NEO1: variants seen among roughly 807,000 people sequenced by gnomAD.
NEO1 encodes the protein neogenin 1.
In NEO1, 63 loss-of-function variants were observed where a neutral mutation model predicts 159.7. That is an observed-to-expected ratio of 0.39 (90% CI 0.32 to 0.49). NEO1 has a LOEUF of 0.49. NEO1 is among the 20% of genes least tolerant of loss of function. The pLI is 0.85. For synonymous variants in NEO1, 633 were observed against 662.0 expected, an observed-to-expected ratio of 0.96 and a Z score of 0.67; for missense variants, 1,615 against 1,831.0, an observed-to-expected ratio of 0.88 and a Z score of 2.15.
chr15:73,203,913 C>T (rs918518697), intron 7 of NEO1, among the ~76,000 whole-genome samples: 4 of 151,962 alleles, frequency 2.6e-5, no homozygotes, highest in African/African-American at 9.7e-5. Flanking sequence ...TTTGCTTTTT[C>T]CTTCTCCAGC....
At position 73,274,017 on chromosome 15, in the gene NEO1, C is replaced by A; in HGVS notation, c.3160+12C>A. On this transcript the variant is annotated intron_variant, in intron 20 of 28. Transcript: ENST00000261908. ...CAGAACACCTAAAGGTAATGCTCCCCAAGCTGAGGGTTTTGTTGTGTGTCT... is the reference window on the plus strand; with the variant it reads ...CAGAACACCTAAAGGTAATGCTCCCAAAGCTGAGGGTTTTGTTGTGTGTCT... 2 of 1,610,018 alleles carry A rather than the reference C, an allele frequency of 1.2e-6. No homozygotes were observed. The highest frequency in any genetic ancestry group is 1.7e-6 in the Non-Finnish European group (2 of 1,177,992).
chr15:73,178,387 A>G lies in NEO1; in HGVS notation c.1251A>G (p.Gly417=). The G allele has an allele frequency of 6.2e-7, 1 of 1,613,868 alleles. No homozygotes were observed. Among genetic ancestry groups the G allele is most frequent in the Non-Finnish European group, 8.5e-7 (1 of 1,179,854 alleles). The change falls in exon 7 of 29, where the codon GGA becomes GGG. Residue 417 remains glycine, a synonymous_variant. Coordinates refer to ENST00000261908, the MANE Select transcript of NEO1 (RefSeq NM_002499.4). ...FYQCIAENDV[G]NAQAGAQLII... ...AGTGCATTGCTGAAAATGATGTTGG[A>G]AATGCACAAGCTGGAGCCCAACTGA...
chr15:73,109,185 T>A (rs1224892788), intron 1 of NEO1, among the ~76,000 whole-genome samples: 1 of 152,206 alleles, frequency 6.6e-6, no homozygotes, highest in African/African-American at 2.4e-5. Context: ...TTGTGAAAAC[T>A]AAGGTCCTAG....
In NEO1 at chr15:73,270,044, T is replaced by C. The variant is rs773253510; in HGVS notation, c.2529T>C (p.Ala843=). The change falls in exon 17 of 29, where the codon GCT becomes GCC. Residue 843 remains alanine, a synonymous_variant. Transcript: ENST00000261908. ...AAGTTGATTTATTTGTTATTAATGC[T>C]CCATACACTCCAGTGCCAGATCCCA... is the stretch of plus-strand genomic sequence containing the variant. ...TSEVDLFVIN[A]PYTPVPDPTP... The C allele has an allele frequency of 6.2e-7, 1 of 1,614,168 alleles. No homozygotes were observed. Among genetic ancestry groups the C allele is most frequent in the Non-Finnish European group, 8.5e-7 (1 of 1,180,008 alleles).
intron 1 of NEO1, among the ~76,000 whole-genome samples, chr15:73,096,223 G>A (rs560073175): frequency 3.9e-4 from 59 of 152,236 alleles, no homozygotes; most frequent in African/African-American, 6.3e-4. Context: ...TAGATATCTC[G>A]GTTGGTTCGG....
intron 5 of NEO1, among the ~76,000 whole-genome samples, chr15:73,151,356 T>C (rs900070576): frequency 2.7e-4 from 41 of 152,208 alleles, no homozygotes; most frequent in Non-Finnish European, 3.8e-4. Context: ...TGTCTACTTA[T>C]TGATACCTGA....
chr15:73,176,281 T>C (rs2035276381), intron 5 of NEO1, 122 bp from the exon 6 acceptor site: 1 of 542,424 alleles, frequency 1.8e-6, no homozygotes. Flanking sequence ...TGCAAAAATA[T>C]GTGAAAGCTT....
chr15:73,206,726 T>C (rs1404716413), intron 7 of NEO1, among the ~76,000 whole-genome samples: 1 of 152,208 alleles, frequency 6.6e-6, no homozygotes, highest in Non-Finnish European at 1.5e-5. Flanking sequence ...TAGCTGTAGA[T>C]TTTCTCTATT....
rs766371674 is a variant in NEO1, at chr15:73,244,324, T to A, written c.1452-20T>A. 1.9e-5 allele frequency: 30 copies of A among 1,607,124 alleles called. No individual in the cohort carries two copies. The highest frequency in any genetic ancestry group is 2.6e-5 in the Non-Finnish European group (30 of 1,176,422). ...GTATTCCTAATTAATGCTATCTCTC[T>A]CCAAATCCTTTGTCTAAAGGGAACG... On this transcript the variant is annotated intron_variant, in intron 8 of 28. Coordinates refer to ENST00000261908, the MANE Select transcript of NEO1 (RefSeq NM_002499.4).
At chr15:73,162,418 A>G (rs2034254133) in intron 5 of NEO1, 1 of 153,756 alleles carries the variant, frequency 6.5e-6, no homozygotes, top group Admixed American at 6.6e-5. Flanking sequence ...GTTGAGACAG[A>G]GTCTCACTCT....
intron 9 of NEO1, among the ~76,000 whole-genome samples, chr15:73,248,655 G>A (rs755192642): frequency 3.9e-5 from 6 of 152,200 alleles, no homozygotes; most frequent in East Asian, 3.9e-4. Context: ...TAGCACTTAC[G>A]ACATTTTTTG....
At chr15:73,281,781 G>A (rs938109667) in intron 22 of NEO1, among the ~76,000 whole-genome samples, 3 of 152,212 alleles carry the variant, frequency 2.0e-5, no homozygotes, top group Non-Finnish European at 4.4e-5. Context: ...GGTTAGACAT[G>A]TGTGGTGGGA....
At chr15:73,245,624 G>A (rs2039750056) in intron 9 of NEO1, among the ~76,000 whole-genome samples, 1 of 151,512 alleles carries the variant, frequency 6.6e-6, no homozygotes, top group Admixed American at 6.6e-5. Flanking sequence ...GCCCAGGCTG[G>A]AGTGCAGTGG....
Position 73,276,552 on chromosome 15 carries a change from A to G in NEO1, c.3194-1579A>G, listed in dbSNP as rs2041435626. Among the ~76,000 whole-genome samples, 4 of 152,214 alleles carry G rather than the reference A, an allele frequency of 2.6e-5. No homozygotes were observed. In the South Asian group the frequency reaches 6.2e-4, roughly 24 times the overall value. ...GGAGATAAAGTAATATGTGTGGACA[A>G]TGGAAAAAGGGCCAGGGACTGTGAG... On this transcript the variant is annotated intron_variant, in intron 21 of 28. Coordinates refer to ENST00000261908, the MANE Select transcript of NEO1 (RefSeq NM_002499.4).
At chr15:73,199,422 G>C (rs1471443483) in intron 7 of NEO1, among the ~76,000 whole-genome samples, 1 of 151,910 alleles carries the variant, frequency 6.6e-6, no homozygotes, top group African/African-American at 2.4e-5. Flanking sequence ...ATTATACACT[G>C]TCTACATTTA....
intron 15 of NEO1, among the ~76,000 whole-genome samples, chr15:73,261,364 A>T (rs1034874745): frequency 3.9e-5 from 6 of 152,146 alleles, no homozygotes; most frequent in African/African-American, 1.4e-4. Flanking sequence ...AAAACAGTAA[A>T]ATGATTTTGG....
chr15:73,292,517 A>G (rs1477849761), intron 25 of NEO1, among the ~76,000 whole-genome samples: 1 of 152,152 alleles, frequency 6.6e-6, no homozygotes, highest in Non-Finnish European at 1.5e-5. Flanking sequence ...CTGGGCTTCT[A>G]ATTTTATCTG....
intron 1 of NEO1, among the ~76,000 whole-genome samples, chr15:73,093,029 G>C (rs2069785715): frequency 6.6e-6 from 1 of 152,050 alleles, no homozygotes; most frequent in African/African-American, 2.4e-5. Flanking sequence ...TAGTTTCTCA[G>C]ACTTTCCTTA....
intron 1 of NEO1, among the ~76,000 whole-genome samples, chr15:73,102,548 A>ATATCTAATGAATGGGGGTCTCTC (rs2070459158): frequency 1.3e-5 from 2 of 152,170 alleles, no homozygotes; most frequent in Non-Finnish European, 2.9e-5. Flanking sequence ...TTCTCAATGT[A>ATATCTAATGAATGGGGGTCTCTC]TATCTAATGA....
Sources: allele counts gnomAD v4.1 joint callset (sites outside exome capture counted in the v4.1 genomes callset), GRCh38; gene constraint gnomAD v4.1.1; transcripts MANE v1.5; gene names NCBI Gene and HGNC (gene_info 2026-07-23, HGNC 2026-07-21).